Variants in SEM1 observed in about 807,000 individuals in gnomAD.
The protein encoded by SEM1 is 26S proteasome complex subunit SEM1.
A neutral mutation model predicts 12.7 loss-of-function variants in SEM1; 3 were observed. That is an observed-to-expected ratio of 0.24 (90% CI 0.11 to 0.61). SEM1 has a LOEUF of 0.61. Among genes scored for constraint, SEM1 ranks in the 20% least tolerant of loss-of-function variants. The pLI is 0.88. For missense variants in SEM1, 59 were observed against 81.3 expected, an observed-to-expected ratio of 0.73 and a Z score of 1.06; for synonymous variants, 30 against 27.8, an observed-to-expected ratio of 1.08 and a Z score of -0.25.
chr7:96,487,885 C>G (rs983592052), intron 1 of SEM1, among the ~76,000 whole-genome samples: 6 of 150,134 alleles, frequency 4.0e-5, no homozygotes, highest in Admixed American at 6.6e-5. Context: ...AACAAACACA[C>G]TAGCTGATTT....
At chr7:96,528,064 T>A (rs1804524231) in intron 2 of SEM1, among the ~76,000 whole-genome samples, 1 of 152,162 alleles carries the variant, frequency 6.6e-6, no homozygotes, top group South Asian at 2.1e-4. Context: ...TCCAGTGGAC[T>A]CAGAACTGCT....
chr7:96,516,964 C>T (rs533581165), intron 2 of SEM1, among the ~76,000 whole-genome samples: 2 of 152,138 alleles, frequency 1.3e-5, no homozygotes, highest in East Asian at 3.9e-4. Context: ...GTGAAAGAAG[C>T]CAATCTGAAA....
At chr7:96,500,429 A>G (rs1803485283), upstream of SEM1, among the ~76,000 whole-genome samples, 1 of 152,136 alleles carries the variant, frequency 6.6e-6, no homozygotes, top group African/African-American at 2.4e-5. Flanking sequence ...TCACGAATGT[A>G]ACTACCAAAT....
chr7:96,577,955 C>G (rs1237019038), intron 2 of SEM1, among the ~76,000 whole-genome samples: 1 of 151,338 alleles, frequency 6.6e-6, no homozygotes, highest in Non-Finnish European at 1.5e-5. Flanking sequence ...GTTTAATTTG[C>G]TTAAGGAAAT....
intron 2 of SEM1, among the ~76,000 whole-genome samples, chr7:96,585,687 C>T (rs1806602978): frequency 6.6e-6 from 1 of 152,182 alleles, no homozygotes; most frequent in Admixed American, 6.5e-5. Flanking sequence ...TTTTTTAAGC[C>T]CGTCGGAAAA....
intron 2 of SEM1, among the ~76,000 whole-genome samples, chr7:96,524,053 A>G (rs745925053): frequency 6.6e-6 from 1 of 152,030 alleles, no homozygotes; most frequent in Non-Finnish European, 1.5e-5. Context: ...TGGTTAGCCT[A>G]TTAAACAGGG....
chr7:96,509,317 T>C (rs1421554503), intron 2 of SEM1, among the ~76,000 whole-genome samples: 1 of 151,936 alleles, frequency 6.6e-6, no homozygotes, highest in East Asian at 1.9e-4. Flanking sequence ...AGAGACGCAA[T>C]CTTTATTATC....
chr7:96,499,996 G>C (rs1803456657), upstream of SEM1, among the ~76,000 whole-genome samples: 1 of 152,066 alleles, frequency 6.6e-6, no homozygotes, highest in Non-Finnish European at 1.5e-5. Flanking sequence ...CAGAATAAAG[G>C]ATAGTTACTT....
rs558942010 is a variant in SEM1 at position 96,650,286 on chromosome 7, C to G, written c.171-27643G>C. 29 of 482,366 alleles carry G rather than the reference C, an allele frequency of 6.0e-5. No individual in the cohort carries two copies. In the South Asian group the frequency reaches 1.1e-3, roughly 18 times the overall value. The allele number at this position is 482,366 out of a possible 1,614,324, so 29.9% of individuals were successfully genotyped here. A position where few individuals can be genotyped will look rare whatever the true frequency, so the allele number is the denominator to read the frequency against. On this transcript the variant is annotated intron_variant, in intron 2 of 2. Transcript: ENST00000417009. Reference sequence around the variant, plus strand: ...CTATGGGAAATTCCGCTGCACAAGACTTGAAACAATCCCTCTCCTTCAGCT... The same window carrying G: ...CTATGGGAAATTCCGCTGCACAAGAGTTGAAACAATCCCTCTCCTTCAGCT...
chr7:96,644,701 G>T (rs62470369), intron 2 of SEM1, among the ~76,000 whole-genome samples: 1 of 152,116 alleles, frequency 6.6e-6, no homozygotes, highest in African/African-American at 2.4e-5. Flanking sequence ...GCAGTGTGAC[G>T]TGGAGCACTC....
At chr7:96,521,594 C>T (rs369375499) in intron 2 of SEM1, among the ~76,000 whole-genome samples, 77 of 152,060 alleles carry the variant, frequency 5.1e-4, no homozygotes, top group African/African-American at 1.6e-3. Flanking sequence ...CAACTCGGCA[C>T]GGTATTTTCG....
intron 3 of SEM1, among the ~76,000 whole-genome samples, chr7:96,501,376 A>G (rs1584714765): frequency 3.3e-5 from 5 of 152,258 alleles, no homozygotes; most frequent in African/African-American, 1.2e-4. Flanking sequence ...TGAGCAACAT[A>G]TAATTGGCTA....
chr7:96,532,567 A>G (rs1804673239), intron 2 of SEM1, among the ~76,000 whole-genome samples: 1 of 152,144 alleles, frequency 6.6e-6, no homozygotes, highest in African/African-American at 2.4e-5. Flanking sequence ...TGTTGCCAAC[A>G]TTCCTGACTG....
At chr7:96,580,156 T>C (rs1421614122) in intron 2 of SEM1, among the ~76,000 whole-genome samples, 1 of 139,670 alleles carries the variant, frequency 7.2e-6, no homozygotes, top group Non-Finnish European at 1.5e-5. Flanking sequence ...AGTGTGATGT[T>C]CCCCTTCCTG....
chr7:96,549,554 G>A (rs5000436), intron 2 of SEM1, among the ~76,000 whole-genome samples: 93,285 of 151,960 alleles, frequency 0.61, 29,385 homozygotes, highest in Non-Finnish European at 0.69. Context: ...TTCCACACAA[G>A]AGGATGGCTC....
At chr7:96,582,713 G>A (rs1284670032) in intron 2 of SEM1, among the ~76,000 whole-genome samples, 1 of 152,270 alleles carries the variant, frequency 6.6e-6, no homozygotes, top group Non-Finnish European at 1.5e-5. Context: ...GAGTGCATGT[G>A]TCCAGAAATT....
intron 2 of SEM1, among the ~76,000 whole-genome samples, chr7:96,626,852 T>C (rs189425175): frequency 5.3e-5 from 8 of 152,200 alleles, no homozygotes; most frequent in Non-Finnish European, 1.0e-4. Context: ...ATAGTTTGAG[T>C]AGAATTGGTA....
At chr7:96,634,429 T>C (rs1464712846) in intron 2 of SEM1, among the ~76,000 whole-genome samples, 1 of 151,376 alleles carries the variant, frequency 6.6e-6, no homozygotes, top group Non-Finnish European at 1.5e-5. Context: ...GTCACATTCA[T>C]TCATTTATTT....
intron 1 of SEM1, among the ~76,000 whole-genome samples, chr7:96,489,646 C>T (rs1802923375): frequency 6.6e-6 from 1 of 152,160 alleles, no homozygotes; most frequent in Admixed American, 6.5e-5. Flanking sequence ...TCTCTTCTCT[C>T]ACAGTTCTGG....
Sources: gnomAD v4.1 joint callset for allele counts (sites outside exome capture counted in the v4.1 genomes callset) on GRCh38, gnomAD v4.1.1 for gene constraint, MANE v1.5 for transcripts, NCBI Gene and HGNC (gene_info 2026-07-23, HGNC 2026-07-21) for gene names.